Variants in PLXDC2 observed in about 807,000 individuals in gnomAD.
PLXDC2 encodes the protein plexin domain containing 2.
PLXDC2 carries 40 observed loss-of-function variants against 68.9 expected under a neutral mutation model. The observed-to-expected ratio is 0.58, with a 90% CI of 0.45 to 0.76. PLXDC2 has a LOEUF of 0.76. Ranked by LOEUF, PLXDC2 falls within the 30% of genes least tolerant of loss-of-function variation. The pLI, the probability that PLXDC2 is intolerant of heterozygous loss-of-function variation, is 0.00. For synonymous variants in PLXDC2, 243 were observed against 234.2 expected (o/e 1.04, Z -0.34); for missense variants, 644 against 661.9 (o/e 0.97, Z 0.30).
At chr10:19,871,034 G>A (rs1837525336) in intron 1 of PLXDC2, among the ~76,000 whole-genome samples, 1 of 152,192 alleles carries the variant, frequency 6.6e-6, no homozygotes, top group Non-Finnish European at 1.5e-5. Flanking sequence ...TTGGTTGCTA[G>A]GAGCCATTAG....
chr10:20,047,789 C>T (rs528880413), intron 3 of PLXDC2, among the ~76,000 whole-genome samples: 17 of 152,168 alleles, frequency 1.1e-4, no homozygotes, highest in South Asian at 4.2e-4. Context: ...GATAAGAGAA[C>T]GGAGGAGTCT....
intron 1 of PLXDC2, among the ~76,000 whole-genome samples, chr10:19,962,146 C>T (rs1365305798): frequency 6.6e-6 from 1 of 152,014 alleles, no homozygotes; most frequent in Non-Finnish European, 1.5e-5. Flanking sequence ...ATATGAGATA[C>T]TTGTTTCAGG....
intron 1 of PLXDC2, among the ~76,000 whole-genome samples, chr10:19,956,063 G>A (rs995099185): frequency 1.3e-5 from 2 of 152,142 alleles, no homozygotes; most frequent in Admixed American, 1.3e-4. Context: ...TGGGTGACAA[G>A]AGTGAAACTC....
At chr10:19,824,685 A>T (rs7908024) in intron 1 of PLXDC2, among the ~76,000 whole-genome samples, 72,036 of 152,060 alleles carry the variant, frequency 0.47, 17,254 homozygotes, top group Middle Eastern at 0.51. Context: ...TGCTTTTATT[A>T]AGAAAGTTTC....
intron 4 of PLXDC2, among the ~76,000 whole-genome samples, chr10:20,075,008 T>C (rs1466463904): frequency 4.6e-5 from 7 of 152,148 alleles, no homozygotes; most frequent in Non-Finnish European, 8.8e-5. Flanking sequence ...AACTCAAGTC[T>C]CAAGGATTCC....
chr10:19,849,974 T>C (rs1335796741), intron 1 of PLXDC2, among the ~76,000 whole-genome samples: 1 of 152,202 alleles, frequency 6.6e-6, no homozygotes, highest in Non-Finnish European at 1.5e-5. Flanking sequence ...CGGCCATCTC[T>C]AGCAGCATTA....
intron 1 of PLXDC2, among the ~76,000 whole-genome samples, chr10:19,930,459 A>T (rs1344599949): frequency 6.6e-6 from 1 of 152,192 alleles, no homozygotes; most frequent in African/African-American, 2.4e-5. Context: ...GTTGACTCTT[A>T]TCAATGAAAT....
chr10:20,042,094 T>C (rs1745397399), intron 2 of PLXDC2, among the ~76,000 whole-genome samples: 1 of 152,188 alleles, frequency 6.6e-6, no homozygotes, highest in Non-Finnish European at 1.5e-5. Flanking sequence ...CATTTCATGT[T>C]GTGTGTACCT....
intron 1 of PLXDC2, among the ~76,000 whole-genome samples, chr10:19,977,767 C>A (rs952432704): frequency 2.0e-5 from 3 of 151,968 alleles, no homozygotes; most frequent in African/African-American, 7.2e-5. Flanking sequence ...TCTCATGTGT[C>A]TTTCTTTTTT....
chr10:19,968,380 T>C (rs1274687037), intron 1 of PLXDC2, among the ~76,000 whole-genome samples: 1 of 152,166 alleles, frequency 6.6e-6, no homozygotes, highest in East Asian at 1.9e-4. Context: ...TGGCACGATC[T>C]CCGCTCCCTG....
chr10:20,147,247 C>T (rs756402043), intron 5 of PLXDC2, among the ~76,000 whole-genome samples: 7 of 151,968 alleles, frequency 4.6e-5, no homozygotes, highest in Non-Finnish European at 7.4e-5. Context: ...CTGGAAGAAA[C>T]ACAACAAAGA....
At chr10:20,174,969 G>T (rs1340365616) in intron 7 of PLXDC2, among the ~76,000 whole-genome samples, 1 of 152,008 alleles carries the variant, frequency 6.6e-6, no homozygotes, top group Non-Finnish European at 1.5e-5. Context: ...TTTAGAGGAG[G>T]TCATCGTTGG....
At chr10:20,162,071 A>AGAAGGAAGGAAGGAAGGAAGGAAGGAAG (rs1181393820) in intron 6 of PLXDC2, among the ~76,000 whole-genome samples, 1 of 44,882 alleles carries the variant, frequency 2.2e-5, no homozygotes. Flanking sequence ...AGAGAGAGAG[A>AGAAGGAAGGAAGGAAGGAAGGAAGGAAG]GAAGGAAGGA....
At chr10:20,081,950 CAGG>C (rs1288145527) in intron 4 of PLXDC2, among the ~76,000 whole-genome samples, 2 of 147,482 alleles carry the variant, frequency 1.4e-5, no homozygotes, top group African/African-American at 5.0e-5. Flanking sequence ...GAGGCTGAGG[CAGG>C]AGGATTGCCT....
At chr10:19,969,606 T>G (rs145985834) in intron 1 of PLXDC2, among the ~76,000 whole-genome samples, 1 of 152,192 alleles carries the variant, frequency 6.6e-6, no homozygotes, top group South Asian at 2.1e-4. Context: ...GCTACTCCAT[T>G]TGGGGAAAAA....
chr10:20,221,969 A>G (rs555227160), intron 12 of PLXDC2, among the ~76,000 whole-genome samples: 1 of 152,316 alleles, frequency 6.6e-6, no homozygotes, highest in East Asian at 1.9e-4. Context: ...TTTGAGGTTT[A>G]CAACATGAAT....
intron 10 of PLXDC2, among the ~76,000 whole-genome samples, chr10:20,215,147 A>G (rs529348259): frequency 2.8e-4 from 43 of 152,136 alleles, no homozygotes; most frequent in Admixed American, 1.4e-3. Flanking sequence ...GGAAATTGAG[A>G]TGGAGTTGTG....
At chr10:19,913,634 G>A (rs564507103) in intron 1 of PLXDC2, among the ~76,000 whole-genome samples, 73 of 152,094 alleles carry the variant, frequency 4.8e-4, no homozygotes, top group African/African-American at 1.5e-3. Flanking sequence ...TAAATCTCTC[G>A]CTTCACTGTA....
At chr10:20,204,676 A>G (rs1834966767) in intron 9 of PLXDC2, among the ~76,000 whole-genome samples, 1 of 152,218 alleles carries the variant, frequency 6.6e-6, no homozygotes, top group African/African-American at 2.4e-5. Flanking sequence ...TAAATGAATT[A>G]AAAATATGAC....
Sources: gnomAD v4.1 joint callset for allele counts (sites outside exome capture counted in the v4.1 genomes callset) on GRCh38, gnomAD v4.1.1 for gene constraint, MANE v1.5 for transcripts, NCBI Gene and HGNC (gene_info 2026-07-23, HGNC 2026-07-21) for gene names.